COP1: variants seen among roughly 807,000 people sequenced by gnomAD.
COP1 encodes the protein E3 ubiquitin-protein ligase COP1.
Under a neutral mutation model 101.3 loss-of-function variants are expected in COP1, and 24 were observed. The observed-to-expected ratio is 0.24, with a 90% CI of 0.17 to 0.33. The LOEUF (loss-of-function observed/expected upper bound fraction) is 0.33, where lower values mean the gene tolerates loss of function less well. Ranked by LOEUF, COP1 falls within the 10% of genes least tolerant of loss-of-function variation. COP1 has a pLI of 1.00. For synonymous variants in COP1, 347 were observed against 341.9 expected, an observed-to-expected ratio of 1.01 and a Z score of -0.17; for missense variants, 663 against 906.2, an observed-to-expected ratio of 0.73 and a Z score of 3.45.
At chr1:176,034,433 T>C (rs892667354) in intron 14 of COP1, among the ~76,000 whole-genome samples, 5 of 152,164 alleles carry the variant, frequency 3.3e-5, no homozygotes, top group African/African-American at 1.2e-4. Context: ...ATCTGTGATA[T>C]AACGAATATG....
Position 176,121,756 on chromosome 1 carries a change from A to T in COP1, c.969-5075T>A, listed in dbSNP as rs941297643. ...AAACAGACAATACTAAACTCTTCTC[A>T]TGGTATCTGAATTTCAAGGACACAA... On this transcript the variant is annotated intron_variant, in intron 8 of 19. Transcript: ENST00000367669. 4.6e-5 allele frequency among the ~76,000 whole-genome samples: 7 copies of T among 152,252 alleles called. No homozygotes were observed. In the South Asian group the frequency reaches 6.2e-4, roughly 14 times the overall value.
intron 11 of COP1, among the ~76,000 whole-genome samples, chr1:176,071,470 A>G (rs1212265312): frequency 6.6e-6 from 1 of 152,190 alleles, no homozygotes; most frequent in Non-Finnish European, 1.5e-5. Context: ...CCTCACTACC[A>G]TGTACATCAC....
Position 175,963,887 on chromosome 1 carries a change from A to G in COP1, c.2134-16648T>C, listed in dbSNP as rs17351683. On this transcript the variant is annotated intron_variant, in intron 18 of 19. Transcript: ENST00000367669. Reference sequence around the variant, plus strand: ...AATATTTCTATTTACTAGGTTGTAAATCACTTAAATGCAGAGAATATATTT... The same window carrying G: ...AATATTTCTATTTACTAGGTTGTAAGTCACTTAAATGCAGAGAATATATTT... Among the ~76,000 whole-genome samples, 493 of 152,278 alleles carry G rather than the reference A, an allele frequency of 3.2e-3. 1 individual carries two copies. Among genetic ancestry groups the G allele is most frequent in the Middle Eastern group, 6.8e-3 (2 of 294 alleles).
At chr1:176,085,987 T>C (rs1220850933) in intron 9 of COP1, 97 bp from the exon 10 acceptor site, 7 of 585,876 alleles carry the variant, frequency 1.2e-5, no homozygotes, top group Non-Finnish European at 2.1e-5. Flanking sequence ...CAGAAGTTCA[T>C]CACAGTAAAA....
chr1:176,181,379 T>C (rs1461700519), intron 2 of COP1, among the ~76,000 whole-genome samples: 1 of 151,372 alleles, frequency 6.6e-6, no homozygotes, highest in African/African-American at 2.4e-5. Flanking sequence ...AGCCCTCACA[T>C]GTTAGGAAAG....
chr1:176,166,240 T>A (rs2149978806), intron 3 of COP1, among the ~76,000 whole-genome samples: 1 of 152,224 alleles, frequency 6.6e-6, no homozygotes, highest in Admixed American at 6.5e-5. Context: ...CATCCTCCCA[T>A]CTCAGCCTTC....
rs1310130840 is a variant in COP1 at position 175,947,246 on chromosome 1, A to G, written c.2134-7T>C. 1.2e-6 allele frequency: 2 copies of G among 1,601,822 alleles called. No homozygotes were observed. The highest frequency in any genetic ancestry group is 1.7e-6 in the Non-Finnish European group (2 of 1,168,950). ...CAATCAGCACATTGGACTCCTAGAA[A>G]AGAACAAGAGCTTTTAAAGTATAGA... On this transcript the variant is annotated splice_polypyrimidine_tract_variant and splice_region_variant and intron_variant, in intron 18 of 19. Coordinates refer to ENST00000367669, the MANE Select transcript of COP1 (RefSeq NM_022457.7).
chr1:176,106,746 G>A (rs1252178023), intron 9 of COP1, among the ~76,000 whole-genome samples: 3 of 152,126 alleles, frequency 2.0e-5, no homozygotes, highest in South Asian at 2.1e-4. Flanking sequence ...CCAAATGCTC[G>A]GGGAGACTGA....
intron 3 of COP1, among the ~76,000 whole-genome samples, chr1:176,164,620 T>C (rs1423497340): frequency 5.9e-5 from 9 of 152,166 alleles, no homozygotes; most frequent in African/African-American, 2.4e-5. Context: ...TAGAGCCATC[T>C]TGCAACCTCA....
chr1:176,168,214 C>T (rs923794873), intron 3 of COP1, among the ~76,000 whole-genome samples: 1 of 151,922 alleles, frequency 6.6e-6, no homozygotes, highest in Non-Finnish European at 1.5e-5. Flanking sequence ...CGCACCACCA[C>T]ACTTGGCTAA....
intron 11 of COP1, among the ~76,000 whole-genome samples, chr1:176,079,032 G>A (rs1474846572): frequency 6.6e-6 from 1 of 152,152 alleles, no homozygotes; most frequent in Non-Finnish European, 1.5e-5. Flanking sequence ...CTTACATGCT[G>A]TTGCTAGGAA....
At chr1:176,042,144 AC>A (rs1260442943) in intron 14 of COP1, among the ~76,000 whole-genome samples, 1 of 151,058 alleles carries the variant, frequency 6.6e-6, no homozygotes, top group Non-Finnish European at 1.5e-5. Context: ...GGCGGTGCAC[AC>A]CTATAATCCC....
intron 18 of COP1, among the ~76,000 whole-genome samples, chr1:175,958,624 C>T (rs1478803989): frequency 1.3e-5 from 2 of 151,782 alleles, no homozygotes; most frequent in African/African-American, 2.4e-5. Context: ...ATTTATTTCT[C>T]CAAATGTTAA....
At position 176,121,326 on chromosome 1, in the gene COP1, A is replaced by G. The variant is rs577607022; in HGVS notation, c.969-4645T>C. Among the ~76,000 whole-genome samples, 8 of 152,254 alleles carry G rather than the reference A, an allele frequency of 5.3e-5. No individual in the cohort carries two copies. In the East Asian group the frequency reaches 1.5e-3, roughly 29 times the overall value. ...CCCAATTTTGCAGAGACCTCCAGAG[A>G]TATTAGAAATCATTCTTCATGTTTT... On this transcript the variant is annotated intron_variant, in intron 8 of 19. Transcript: ENST00000367669.
chr1:176,165,860 T>C (rs1412765723), intron 3 of COP1, among the ~76,000 whole-genome samples: 1 of 152,048 alleles, frequency 6.6e-6, no homozygotes, highest in African/African-American at 2.4e-5. Flanking sequence ...AGAAAAGTGA[T>C]TATAATCCAG....
At position 176,038,733 on chromosome 1, in the gene COP1, G is replaced by A. The variant is rs56198111; in HGVS notation, c.1612+4453C>T. Among the ~76,000 whole-genome samples the A allele has an allele frequency of 3.2e-3, 481 of 151,912 alleles. 1 individual carries two copies. The highest frequency in any genetic ancestry group is 0.011 in the African/African-American group (458 of 41,402). On this transcript the variant is annotated intron_variant, in intron 14 of 19. Coordinates refer to ENST00000367669, the MANE Select transcript of COP1 (RefSeq NM_022457.7). Reference sequence around the variant, plus strand: ...CTCAGGAGGCTGAGGCAGGAGAATCGCTTGAACCCGGGAGGCGGAGGTTGT... The same window carrying A: ...CTCAGGAGGCTGAGGCAGGAGAATCACTTGAACCCGGGAGGCGGAGGTTGT...
chr1:176,165,304 C>G (rs1318659941), intron 3 of COP1, among the ~76,000 whole-genome samples: 1 of 151,416 alleles, frequency 6.6e-6, no homozygotes, highest in Non-Finnish European at 1.5e-5. Flanking sequence ...CAGGGGCTCA[C>G]TAAGCAAAAA....
intron 15 of COP1, among the ~76,000 whole-genome samples, chr1:176,009,790 CAG>C (rs1219405280): frequency 6.8e-6 from 1 of 147,752 alleles, no homozygotes; most frequent in African/African-American, 2.5e-5. Flanking sequence ...ACTTAGGAGA[CAG>C]GGGCATATGA....
intron 18 of COP1, among the ~76,000 whole-genome samples, chr1:175,951,447 T>TATATATAC (rs1649894329): frequency 1.1e-5 from 1 of 89,822 alleles, no homozygotes; most frequent in Non-Finnish European, 2.5e-5. Flanking sequence ...AATATATATA[T>TATATATAC]ATATATATAT....
Sources: gnomAD v4.1 joint callset for allele counts (sites outside exome capture counted in the v4.1 genomes callset) on GRCh38, gnomAD v4.1.1 for gene constraint, MANE v1.5 for transcripts, NCBI Gene and HGNC (gene_info 2026-07-23, HGNC 2026-07-21) for gene names.